Variants in DOK7 observed in about 807,000 individuals in gnomAD.
DOK7 encodes docking protein 7, also known as protein Dok-7.
In DOK7, 32 loss-of-function variants were observed where a neutral mutation model predicts 30.7. That is an observed-to-expected ratio of 1.04 (90% CI 0.79 to 1.40). DOK7 has a LOEUF of 1.40. DOK7 is among the 40% of genes most tolerant of loss of function. The probability of loss-of-function intolerance (pLI) is 0.00; values close to 1 mark genes in which losing one functional copy is unlikely to be tolerated. For synonymous variants in DOK7, 447 were observed against 324.1 expected, an observed-to-expected ratio of 1.38 and a Z score of -4.07; for missense variants, 1,007 against 699.2, an observed-to-expected ratio of 1.44 and a Z score of -4.97.
At position 3,476,085 on chromosome 4, in the gene DOK7, C is replaced by T. The variant is rs1183248279; in HGVS notation, c.332-257C>T. Among the ~76,000 whole-genome samples the T allele has an allele frequency of 2.0e-5, 3 of 151,712 alleles. No homozygotes were observed. In the East Asian group the frequency reaches 5.8e-4, roughly 29 times the overall value. ...GCCCCTGCTGCCTCCTCCCGAGATG[C>T]CCTCTCACCCCACCTGTCCACAGTG... On this transcript the variant is annotated intron_variant, in intron 3 of 6. Transcript: ENST00000340083.
intron 5 of DOK7, among the ~76,000 whole-genome samples, chr4:3,488,822 GGCTGTGGCCGTGGGT>G (rs1337212577): frequency 1.3e-5 from 2 of 150,152 alleles, no homozygotes; most frequent in African/African-American, 2.5e-5. Flanking sequence ...TCTTTGGGAT[GGCTGTGGCCGTGGGT>G]GCTGTGGATG....
downstream of DOK7, among the ~76,000 whole-genome samples, chr4:3,497,143 G>A (rs1245740213): frequency 2.0e-5 from 3 of 152,044 alleles, no homozygotes; most frequent in African/African-American, 2.4e-5. Flanking sequence ...TGGGTAGAGG[G>A]CAGGCTGCTG....
intron 5 of DOK7, among the ~76,000 whole-genome samples, chr4:3,487,446 G>C (rs568289522): frequency 6.6e-6 from 1 of 152,210 alleles, no homozygotes; most frequent in East Asian, 1.9e-4. Context: ...TGCTGAGCCC[G>C]CTGTGACCCA....
intron 5 of DOK7, 83 bp from the exon 6 acceptor site, chr4:3,489,594 C>G: frequency 4.5e-6 from 7 of 1,547,756 alleles, no homozygotes; most frequent in South Asian, 2.4e-5. Flanking sequence ...GGGATAACCA[C>G]TGAGTCAGGC....
At chr4:3,499,815 G>A (rs1294184200) in intron 6 of DOK7, among the ~76,000 whole-genome samples, 1 of 152,016 alleles carries the variant, frequency 6.6e-6, no homozygotes, top group Non-Finnish European at 1.5e-5. Context: ...GGTGCTGGGG[G>A]CCAGGACAAA....
At chr4:3,490,371 C>T (rs1449165823) in intron 6 of DOK7, among the ~76,000 whole-genome samples, 6 of 115,406 alleles carry the variant, frequency 5.2e-5, no homozygotes, top group Non-Finnish European at 5.5e-5. Flanking sequence ...TCATTCCTTC[C>T]TTCCCCCCAC....
At chr4:3,477,967 C>T (rs1373737933) in intron 4 of DOK7, among the ~76,000 whole-genome samples, 1 of 152,170 alleles carries the variant, frequency 6.6e-6, no homozygotes, top group Non-Finnish European at 1.5e-5. Flanking sequence ...TTGGCGGTGG[C>T]TGGGCACAGT....
rs774459683 is a variant in DOK7 at position 3,493,052 on chromosome 4, G to C, written c.1066G>C (p.Ala356Pro). Residue 356 changes from alanine to proline, a missense_variant, in exon 7 of 7, where the codon GCG becomes CCG. Coordinates refer to ENST00000340083, the MANE Select transcript of DOK7 (RefSeq NM_173660.5). ...SSYSSSLSSY[A>P]GSSLDVWRAT... Reference sequence around the variant, plus strand: ...TTACTCCAGCAGCCTCTCGTCCTACGCGGGCAGCAGCCTGGACGTGTGGCG... The same window carrying C: ...TTACTCCAGCAGCCTCTCGTCCTACCCGGGCAGCAGCCTGGACGTGTGGCG... 1 of 1,573,504 alleles carries C rather than the reference G, an allele frequency of 6.4e-7. No homozygotes were observed. Among genetic ancestry groups the C allele is most frequent in the Admixed American group, 1.8e-5 (1 of 55,244 alleles).
intron 5 of DOK7, among the ~76,000 whole-genome samples, chr4:3,489,152 A>C (rs532415151): frequency 6.6e-6 from 1 of 152,272 alleles, no homozygotes; most frequent in South Asian, 2.1e-4. Context: ...GAGGGTCCGC[A>C]GACCACCATG....
At position 3,485,678 on chromosome 4, in the gene DOK7, C is replaced by A. The variant is rs776633500; in HGVS notation, c.652+20C>A. 6.5e-7 allele frequency: 1 copy of A among 1,543,382 alleles called. No homozygotes were observed. Among genetic ancestry groups the A allele is most frequent in the South Asian group, 1.2e-5 (1 of 82,018 alleles). On this transcript the variant is annotated intron_variant, in intron 5 of 6. Transcript: ENST00000340083. Reference sequence around the variant, plus strand: ...TACCAGGTGCGTGTGGGAGCCTGGCCGGCCGGGGAGGGTGCGCTCGGCAGG... The same window carrying A: ...TACCAGGTGCGTGTGGGAGCCTGGCAGGCCGGGGAGGGTGCGCTCGGCAGG...
chr4:3,489,583 G>T (rs1728037984), intron 5 of DOK7, 94 bp from the exon 6 acceptor site: 2 of 1,543,492 alleles, frequency 1.3e-6, no homozygotes, highest in African/African-American at 1.4e-5. Flanking sequence ...CTCCACAGAG[G>T]GGGATAACCA....
Position 3,489,685 on chromosome 4 carries a change from C to G in DOK7, c.661C>G (p.Pro221Ala), listed in dbSNP as rs377167511. 1.9e-5 allele frequency: 30 copies of G among 1,565,308 alleles called. No homozygotes were observed. Among genetic ancestry groups the G allele is most frequent in the Admixed American group, 3.8e-5 (2 of 53,258 alleles). The change falls in exon 6 of 7, where the codon CCC becomes GCC. Residue 221 changes from proline to alanine, a missense_variant. Pro to Ala is a conservative substitution (Grantham distance 27, BLOSUM62 -1). Transcript: ENST00000340083. Reference sequence around the variant, plus strand: ...TCTTCTCTCTGCCACAGACCCAAGTCCCCCGGGACCCTCGACTGTGGAGGA... The same window carrying G: ...TCTTCTCTCTGCCACAGACCCAAGTGCCCCGGGACCCTCGACTGTGGAGGA... The part of the protein sequence containing the change: ...GLRPVLPDPS[P>A]PGPSTVEERV...
At chr4:3,489,828 C>G (rs1245861955) in intron 6 of DOK7, 32 bp downstream of exon 6, 1 of 1,560,300 alleles carries the variant, frequency 6.4e-7, no homozygotes, top group South Asian at 1.2e-5. Flanking sequence ...GGCTGTGGGA[C>G]CTCGGCTAAG....
At chr4:3,491,201 T>TC (rs370920562) in intron 6 of DOK7, among the ~76,000 whole-genome samples, 2 of 24,208 alleles carry the variant, frequency 8.3e-5, no homozygotes, top group Non-Finnish European at 1.8e-4. Flanking sequence ...GCTCATTCCT[T>TC]CCCCCCTGCT....
At chr4:3,486,476 G>C (rs1481199693) in intron 5 of DOK7, among the ~76,000 whole-genome samples, 1 of 152,238 alleles carries the variant, frequency 6.6e-6, no homozygotes, top group Non-Finnish European at 1.5e-5. Context: ...TGGCGGGGAA[G>C]GGTGACTGGG....
At chr4:3,482,173 C>T (rs1419829934) in intron 4 of DOK7, among the ~76,000 whole-genome samples, 1 of 152,218 alleles carries the variant, frequency 6.6e-6, no homozygotes, top group Non-Finnish European at 1.5e-5. Flanking sequence ...ACCGCTTACC[C>T]TCTAACAGCT....
chr4:3,463,366 A>G lies in DOK7; in HGVS notation c.-10A>G, dbSNP rs745885610. 9.5e-6 allele frequency: 14 copies of G among 1,472,868 alleles called. No homozygotes were observed. The highest frequency in any genetic ancestry group is 1.4e-5 in the South Asian group (1 of 73,974). 91.2% of individuals were successfully genotyped at this position (1,472,868 alleles called of 1,614,324 possible). On this transcript the variant is annotated 5_prime_UTR_variant, in exon 1 of 7. An upstream start codon of the reference 5' UTR is lost. Coordinates refer to ENST00000340083, the MANE Select transcript of DOK7 (RefSeq NM_173660.5). Reference sequence around the variant, plus strand: ...GGGGCGAGCGCGGCGGCGCGGAACCATGACAGAAGATGACCGAGGCGGCGC... The same window carrying G: ...GGGGCGAGCGCGGCGGCGCGGAACCGTGACAGAAGATGACCGAGGCGGCGC...
downstream of DOK7, among the ~76,000 whole-genome samples, chr4:3,496,329 C>A (rs1728909785): frequency 6.6e-6 from 1 of 152,222 alleles, no homozygotes; most frequent in Admixed American, 6.5e-5. Context: ...TCCAGGGGCA[C>A]CCCCCTGCGG....
intron 2 of DOK7, among the ~76,000 whole-genome samples, chr4:3,469,177 GTC>G (rs1263327454): frequency 2.0e-5 from 3 of 151,222 alleles, no homozygotes; most frequent in South Asian, 2.1e-4. Context: ...GTGTGTGTGC[GTC>G]TGTGTGAGTG....
Sources: allele counts gnomAD v4.1 joint callset (sites outside exome capture counted in the v4.1 genomes callset), GRCh38; gene constraint gnomAD v4.1.1; transcripts MANE v1.5; gene names NCBI Gene and HGNC (gene_info 2026-07-23, HGNC 2026-07-21).